NEGR1: variants seen among roughly 807,000 people sequenced by gnomAD.
NEGR1 encodes neuronal growth regulator 1, also known as IgLON family member 4.
NEGR1 carries 10 observed loss-of-function variants against 40.9 expected under a neutral mutation model. That is an observed-to-expected ratio of 0.24 (90% CI 0.15 to 0.42). The LOEUF is 0.42. Ranked by LOEUF, NEGR1 falls within the 10% of genes least tolerant of loss-of-function variation. The probability of loss-of-function intolerance (pLI) is 1.00; values close to 1 mark genes in which losing one functional copy is unlikely to be tolerated. For missense variants in NEGR1, 352 were observed against 438.9 expected, an observed-to-expected ratio of 0.80 and a Z score of 1.77; for synonymous variants, 185 against 166.8, an observed-to-expected ratio of 1.11 and a Z score of -0.84.
At chr1:71,463,148 A>G (rs1482557019) in intron 6 of NEGR1, among the ~76,000 whole-genome samples, 2 of 152,184 alleles carry the variant, frequency 1.3e-5, no homozygotes, top group Non-Finnish European at 2.9e-5. Context: ...TGGATGCGAG[A>G]GAGCAGTAAA....
intron 1 of NEGR1, among the ~76,000 whole-genome samples, chr1:72,025,064 A>G (rs1012488379): frequency 1.3e-5 from 2 of 152,190 alleles, no homozygotes; most frequent in African/African-American, 4.8e-5. Flanking sequence ...TCAATTTTCT[A>G]CAAATGAATT....
intron 1 of NEGR1, among the ~76,000 whole-genome samples, chr1:72,238,843 A>G (rs1194267): frequency 0.44 from 67,225 of 151,698 alleles, 15,301 homozygotes; most frequent in Non-Finnish European, 0.48. Context: ...AGAGGAATTT[A>G]AAGTACCAAA....
rs1328357891 is a variant in NEGR1 at position 71,438,893 on chromosome 1, C to A, written c.941-31323G>T. Among the ~76,000 whole-genome samples, 4 of 152,130 alleles carry A rather than the reference C, an allele frequency of 2.6e-5. 1 individual carries two copies. Among genetic ancestry groups the A allele is most frequent in the African/African-American group, 9.7e-5 (4 of 41,438 alleles). Reference sequence around the variant, plus strand: ...GTGGAAACCTGCCCTGCTCTTGGTACACTCACAGGAGGAGCAAGCTATACT... The same window carrying A: ...GTGGAAACCTGCCCTGCTCTTGGTAAACTCACAGGAGGAGCAAGCTATACT... On this transcript the variant is annotated intron_variant, in intron 6 of 6. Coordinates refer to ENST00000357731, the MANE Select transcript of NEGR1 (RefSeq NM_173808.3).
At chr1:72,209,841 C>A (rs1383076325) in intron 1 of NEGR1, among the ~76,000 whole-genome samples, 1 of 151,746 alleles carries the variant, frequency 6.6e-6, no homozygotes, top group African/African-American at 2.4e-5. Flanking sequence ...AATTTTATAG[C>A]AGCTAGATCT....
At chr1:71,662,267 C>T (rs1194284821) in intron 4 of NEGR1, among the ~76,000 whole-genome samples, 4 of 152,136 alleles carry the variant, frequency 2.6e-5, no homozygotes, top group Non-Finnish European at 5.9e-5. Context: ...ATTAAATAAG[C>T]AAAAATAATC....
intron 2 of NEGR1, among the ~76,000 whole-genome samples, chr1:71,778,344 A>G (rs572883576): frequency 2.0e-5 from 3 of 152,220 alleles, no homozygotes; most frequent in Non-Finnish European, 2.9e-5. Flanking sequence ...TCAGTATAGT[A>G]TTTGATAATC....
chr1:71,567,588 T>C (rs1453202122), intron 6 of NEGR1, among the ~76,000 whole-genome samples: 6 of 152,330 alleles, frequency 3.9e-5, no homozygotes, highest in African/African-American at 1.2e-4. Context: ...GCCTGATTTA[T>C]ATATAATAGA....
intron 6 of NEGR1, among the ~76,000 whole-genome samples, chr1:71,589,243 C>A (rs75854450): frequency 1.3e-5 from 2 of 152,200 alleles, no homozygotes; most frequent in East Asian, 3.9e-4. Flanking sequence ...TCACAGCACT[C>A]CACAGTGCTG....
At position 71,726,703 on chromosome 1, in the gene NEGR1, G is replaced by C. The variant is rs146639340; in HGVS notation, c.536-28564C>G. Among the ~76,000 whole-genome samples, 484 of 152,092 alleles carry C rather than the reference G, an allele frequency of 3.2e-3. 3 individuals carry two copies. Among genetic ancestry groups the C allele is most frequent in the African/African-American group, 0.011 (465 of 41,474 alleles). ...CAATTTTCCCCCAAAAGCTTTGATAGGTCCTGCAGTCACATGTCCATCTCT... is the reference window on the plus strand; with the variant it reads ...CAATTTTCCCCCAAAAGCTTTGATACGTCCTGCAGTCACATGTCCATCTCT... On this transcript the variant is annotated intron_variant, in intron 3 of 6. Coordinates refer to ENST00000357731, the MANE Select transcript of NEGR1 (RefSeq NM_173808.3).
intron 1 of NEGR1, among the ~76,000 whole-genome samples, chr1:72,161,676 CTT>C (rs779074685): frequency 0.17 from 13,940 of 83,056 alleles, 268 homozygotes; most frequent in Non-Finnish European, 0.21. Flanking sequence ...TTCTTTCTTT[CTT>C]TTTTTTTTTT....
intron 3 of NEGR1, among the ~76,000 whole-genome samples, chr1:71,702,858 A>G (rs568412): frequency 0.54 from 82,244 of 151,864 alleles, 22,343 homozygotes; most frequent in East Asian, 0.69. Flanking sequence ...GCAATTTTCA[A>G]GCATCAAGCT....
At chr1:71,448,805 T>C (rs1432921620) in intron 6 of NEGR1, among the ~76,000 whole-genome samples, 1 of 152,166 alleles carries the variant, frequency 6.6e-6, no homozygotes, top group Non-Finnish European at 1.5e-5. Context: ...AACTGTACCA[T>C]AGTAAACATT....
intron 2 of NEGR1, among the ~76,000 whole-genome samples, chr1:71,837,477 C>T (rs1171591956): frequency 6.6e-6 from 1 of 151,856 alleles, no homozygotes; most frequent in African/African-American, 2.4e-5. Context: ...TTTTTGTTGC[C>T]GTTAAAATAC....
At chr1:72,267,910 T>C (rs1486125357) in intron 1 of NEGR1, among the ~76,000 whole-genome samples, 1 of 150,826 alleles carries the variant, frequency 6.6e-6, no homozygotes, top group Admixed American at 6.6e-5. Flanking sequence ...TGTCAAAAAC[T>C]GATGATAAAT....
intron 1 of NEGR1, among the ~76,000 whole-genome samples, chr1:71,988,487 C>G (rs1038998345): frequency 7.6e-6 from 1 of 131,380 alleles, no homozygotes; most frequent in Non-Finnish European, 1.5e-5. Flanking sequence ...TGCAGTGAGC[C>G]GAGATTGCGC....
chr1:71,426,662 C>T (rs1225717130), intron 6 of NEGR1, among the ~76,000 whole-genome samples: 2 of 152,142 alleles, frequency 1.3e-5, no homozygotes, highest in Non-Finnish European at 2.9e-5. Flanking sequence ...TTAAAGCTTA[C>T]TAAATCATAT....
intron 3 of NEGR1, among the ~76,000 whole-genome samples, chr1:71,703,844 T>C (rs985871968): frequency 6.6e-6 from 1 of 151,364 alleles, no homozygotes; most frequent in Admixed American, 6.6e-5. Flanking sequence ...ATATAAATAT[T>C]GGGGGGGGTC....
intron 1 of NEGR1, among the ~76,000 whole-genome samples, chr1:72,179,620 C>T (rs1340629840): frequency 2.6e-5 from 4 of 152,006 alleles, no homozygotes; most frequent in African/African-American, 7.2e-5. Flanking sequence ...TAATAAATAT[C>T]TATAAGCATA....
intron 2 of NEGR1, among the ~76,000 whole-genome samples, chr1:71,870,207 A>G (rs1660239882): frequency 6.6e-6 from 1 of 152,136 alleles, no homozygotes; most frequent in African/African-American, 2.4e-5. Flanking sequence ...GTGTTTATAA[A>G]TTGAGTATCC....
Sources: gnomAD v4.1 joint callset for allele counts (sites outside exome capture counted in the v4.1 genomes callset) on GRCh38, gnomAD v4.1.1 for gene constraint, MANE v1.5 for transcripts, NCBI Gene and HGNC (gene_info 2026-07-23, HGNC 2026-07-21) for gene names.